The following IQSEC1 variants were observed in gnomAD, a reference collection of about 807,000 sequenced individuals.
IQSEC1 encodes IQ motif and SEC7 domain-containing protein 1.
A neutral mutation model predicts 91.0 loss-of-function variants in IQSEC1; 31 were observed. That is an observed-to-expected ratio of 0.34 (90% CI 0.26 to 0.46). The LOEUF (loss-of-function observed/expected upper bound fraction) is 0.46, where lower values mean the gene tolerates loss of function less well. IQSEC1 is among the 20% of genes least tolerant of loss of function. The probability of loss-of-function intolerance (pLI) is 1.00; values close to 1 mark genes in which losing one functional copy is unlikely to be tolerated. For synonymous variants in IQSEC1, 699 were observed against 662.6 expected, an observed-to-expected ratio of 1.05 and a Z score of -0.84; for missense variants, 1,388 against 1,575.6, an observed-to-expected ratio of 0.88 and a Z score of 2.02.
chr3:13,095,275 C>T (rs972017457), intron 2 of IQSEC1, among the ~76,000 whole-genome samples: 3 of 151,932 alleles, frequency 2.0e-5, no homozygotes. Context: ...AATCCCCGAC[C>T]CCCACCTCCC....
At chr3:12,937,161 G>A (rs1698278519) in intron 2 of IQSEC1, among the ~76,000 whole-genome samples, 1 of 152,124 alleles carries the variant, frequency 6.6e-6, no homozygotes, top group African/African-American at 2.4e-5. Flanking sequence ...TTGAACTCCT[G>A]ACCTCAGGTG....
intron 2 of IQSEC1, among the ~76,000 whole-genome samples, chr3:13,132,209 T>C (rs1576264711): frequency 6.6e-6 from 1 of 152,184 alleles, no homozygotes; most frequent in South Asian, 2.1e-4. Flanking sequence ...GCTTGTTAGG[T>C]GGGTCCCAAG....
intron 1 of IQSEC1, among the ~76,000 whole-genome samples, chr3:12,972,737 C>T (rs764205885): frequency 1.3e-5 from 2 of 152,178 alleles, no homozygotes; most frequent in Admixed American, 6.5e-5. Context: ...GACACTGACC[C>T]GAGGCTTCAT....
chr3:13,151,061 A>G (rs980675262), intron 2 of IQSEC1, among the ~76,000 whole-genome samples: 2 of 152,324 alleles, frequency 1.3e-5, no homozygotes, highest in African/African-American at 4.8e-5. Flanking sequence ...GGACAGGCAC[A>G]GGGTCAGAAA....
At chr3:12,917,394 A>G (rs2125140850) in intron 6 of IQSEC1, among the ~76,000 whole-genome samples, 1 of 152,288 alleles carries the variant, frequency 6.6e-6, no homozygotes, top group African/African-American at 2.4e-5. Context: ...TGAGCTCCGC[A>G]TACCCATCCT....
At chr3:13,110,583 G>A (rs1438109613) in intron 2 of IQSEC1, among the ~76,000 whole-genome samples, 1 of 152,144 alleles carries the variant, frequency 6.6e-6, no homozygotes, top group East Asian at 1.9e-4. Context: ...GCGAGACTTC[G>A]TTTCAACCAA....
chr3:13,061,353 A>T (rs945654304), intron 1 of IQSEC1, among the ~76,000 whole-genome samples: 1 of 152,258 alleles, frequency 6.6e-6, no homozygotes, highest in African/African-American at 2.4e-5. Context: ...GAGTTTTCTC[A>T]TGTAACATAC....
In IQSEC1 at chr3:13,026,679, T is replaced by C. The variant is rs193270605; in HGVS notation, c.23+46313A>G. Among the ~76,000 whole-genome samples, 39 of 152,300 alleles carry C rather than the reference T, an allele frequency of 2.6e-4. No homozygotes were observed. In the Middle Eastern group the frequency reaches 0.02, roughly 80 times the overall value. On this transcript the variant is annotated intron_variant, in intron 1 of 13. Coordinates refer to ENST00000613206, the MANE Select transcript of IQSEC1 (RefSeq NM_001134382.3). ...ACTTCCCTTCTCCAGGAGTCCATCCTTTTTTGCCCTGCATCCTCTCCGTTC... is the reference window on the plus strand; with the variant it reads ...ACTTCCCTTCTCCAGGAGTCCATCCCTTTTTGCCCTGCATCCTCTCCGTTC...
chr3:13,021,901 C>T (rs1266904587), intron 1 of IQSEC1: 6 of 496,010 alleles, frequency 1.2e-5, no homozygotes, highest in Non-Finnish European at 1.6e-5. Context: ...CTCCTCCTCC[C>T]GCTCCACCAG....
intron 1 of IQSEC1, among the ~76,000 whole-genome samples, chr3:12,949,024 A>C (rs1438079855): frequency 2.0e-5 from 3 of 152,248 alleles, no homozygotes; most frequent in Admixed American, 6.5e-5. Flanking sequence ...GGGTGTGTTT[A>C]AAATACATGA....
chr3:13,168,740 C>T (rs1034369092), intron 1 of IQSEC1, among the ~76,000 whole-genome samples: 3 of 152,116 alleles, frequency 2.0e-5, no homozygotes, highest in Non-Finnish European at 4.4e-5. Context: ...CTGTCCTGTC[C>T]CTGGCTTTTG....
At position 12,994,742 on chromosome 3, in the gene IQSEC1, C is replaced by T. The variant is rs1702157587; in HGVS notation, c.24-52877G>A. Among the ~76,000 whole-genome samples the T allele has an allele frequency of 6.6e-6, 1 of 152,160 alleles. No homozygotes were observed. The highest frequency in any genetic ancestry group is 2.4e-5 in the African/African-American group (1 of 41,430). On this transcript the variant is annotated intron_variant, in intron 1 of 13. Transcript: ENST00000613206. This position sits in a 1 kb window ranked among gnomAD's most constrained non-coding sequence, Gnocchi z 4.5. ...CCGCGTCCCCTCCAGGACACACCCTCCTGACTGTTTGGGGACGGGGTGGGG... is the reference window on the plus strand; with the variant it reads ...CCGCGTCCCCTCCAGGACACACCCTTCTGACTGTTTGGGGACGGGGTGGGG...
intron 1 of IQSEC1, among the ~76,000 whole-genome samples, chr3:12,958,097 C>T (rs527412222): frequency 6.6e-6 from 1 of 152,296 alleles, no homozygotes; most frequent in Admixed American, 6.5e-5. Context: ...ATGTTCTTAC[C>T]TCTGTGGGGC....
At chr3:13,266,123 T>G (rs1451835974) in intron 1 of IQSEC1, among the ~76,000 whole-genome samples, 1 of 152,112 alleles carries the variant, frequency 6.6e-6, no homozygotes, top group Non-Finnish European at 1.5e-5. Context: ...AGGGAGGCAC[T>G]GTTCTTGAAC....
chr3:12,939,152 C>T (rs1011378956), intron 2 of IQSEC1, among the ~76,000 whole-genome samples: 2 of 152,222 alleles, frequency 1.3e-5, no homozygotes, highest in African/African-American at 2.4e-5. Context: ...TCAGCAAGGA[C>T]AAGACACTCA....
intron 1 of IQSEC1, among the ~76,000 whole-genome samples, chr3:13,278,768 G>A (rs192402215): frequency 5.4e-5 from 8 of 149,100 alleles, no homozygotes; most frequent in East Asian, 2.0e-4. Flanking sequence ...TCAGTGAGCC[G>A]AGATCACATC....
rs201786310 is a variant in IQSEC1, at chr3:12,922,168, C to T, written c.1805G>A (p.Arg602His). ...CACTTTCTGAGCCTCCCCTTGGACACGGATGTGCGCCTGGAATTTCCTGAG... is the reference window on the plus strand; with the variant it reads ...CACTTTCTGAGCCTCCCCTTGGACATGGATGTGCGCCTGGAATTTCCTGAG... ...EALRKFQAHI[R>H]VQGEAQKVER... is the part of the protein sequence containing the mutation. Residue 602 changes from arginine to histidine, a missense_variant, in exon 5 of 14, where the codon CGT (arginine) becomes CAT (histidine). Arg to His is a conservative substitution (Grantham distance 29). Around this residue, in one of 2 missense-constraint regions of IQSEC1, gnomAD observed 1,059 missense variants for 1,317.8 expected, o/e 0.80. Coordinates refer to ENST00000613206, the MANE Select transcript of IQSEC1 (RefSeq NM_001134382.3). This position sits in a 1 kb window ranked among gnomAD's most constrained non-coding sequence, Gnocchi z 5.1. The T allele has an allele frequency of 4.2e-5, 67 of 1,610,418 alleles. No homozygotes were observed. The highest frequency in any genetic ancestry group is 5.3e-5 in the Non-Finnish European group (62 of 1,177,594).
At chr3:13,088,397 A>T (rs1422733144) in intron 2 of IQSEC1, among the ~76,000 whole-genome samples, 3 of 152,018 alleles carry the variant, frequency 2.0e-5, no homozygotes, top group Non-Finnish European at 4.4e-5. Flanking sequence ...CAAGCTTAGT[A>T]TGCCGAGGCC....
chr3:12,950,359 G>T (rs571163265), intron 1 of IQSEC1, among the ~76,000 whole-genome samples: 4 of 152,304 alleles, frequency 2.6e-5, no homozygotes, highest in African/African-American at 9.6e-5. Flanking sequence ...AAGGAAAACC[G>T]AATGTGCAAA....
Sources: allele counts gnomAD v4.1 joint callset (sites outside exome capture counted in the v4.1 genomes callset), GRCh38; gene constraint gnomAD v4.1.1; regional missense constraint gnomAD v4.1.1; non-coding constraint Gnocchi (gnomAD v3.1); transcripts MANE v1.5; gene names NCBI Gene and HGNC (gene_info 2026-07-23, HGNC 2026-07-21).